Variants in ARMC9 observed in about 807,000 individuals in gnomAD.
ARMC9 encodes lisH domain-containing protein ARMC9.
A neutral mutation model predicts 107.0 loss-of-function variants in ARMC9; 94 were observed. The observed-to-expected ratio is 0.88, with a 90% confidence interval of 0.74 to 1.04. ARMC9 has a LOEUF of 1.04. ARMC9 is among the 50% of genes least tolerant of loss of function. The probability of loss-of-function intolerance (pLI) is 0.00; values close to 1 mark genes in which losing one functional copy is unlikely to be tolerated. For synonymous variants in ARMC9, 380 were observed against 396.9 expected (o/e 0.96, Z 0.51); for missense variants, 942 against 1,030.1 (o/e 0.91, Z 1.17).
In ARMC9 at chr2:231,252,436, G is replaced by A. The variant is rs1255241236; in HGVS notation, c.880-4150G>A. Among the ~76,000 whole-genome samples the A allele has an allele frequency of 2.0e-5, 3 of 152,106 alleles. No homozygotes were observed. The East Asian group carries it at 5.8e-4, about 29-fold the overall frequency. On this transcript the variant is annotated intron_variant, in intron 9 of 24. Transcript: ENST00000611582. The stretch of plus-strand genomic sequence containing the variant: ...AGCTAATTTTTGTACTTTTAGTGGA[G>A]ACGGGGTTTCACCATGTTGGTCAGG...
intron 23 of ARMC9, among the ~76,000 whole-genome samples, chr2:231,363,612 C>T (rs1027676665): frequency 1.3e-5 from 2 of 152,082 alleles, no homozygotes; most frequent in Non-Finnish European, 2.9e-5. Flanking sequence ...ACCTGCCTGG[C>T]GCAGTGGCTC....
chr2:231,307,227 G>C (rs1036220010), intron 19 of ARMC9, among the ~76,000 whole-genome samples: 2 of 152,234 alleles, frequency 1.3e-5, no homozygotes, highest in Non-Finnish European at 2.9e-5. Context: ...GAGGCTGAGA[G>C]AGGGGTAAGT....
intron 11 of ARMC9, among the ~76,000 whole-genome samples, chr2:231,260,613 G>A (rs867906236): frequency 2.9e-4 from 44 of 152,214 alleles, no homozygotes; most frequent in Admixed American, 2.4e-3. Context: ...CTGTGGACAA[G>A]CAGTGGTGTC....
intron 12 of ARMC9, among the ~76,000 whole-genome samples, chr2:231,266,232 C>G (rs917092221): frequency 2.0e-5 from 3 of 152,132 alleles, no homozygotes; most frequent in Non-Finnish European, 2.9e-5. Flanking sequence ...TCACTGGGTC[C>G]CACCAACAGT....
chr2:231,291,273 T>G, intron 17 of ARMC9, 80 bp from the exon 18 acceptor site: 3 of 1,126,650 alleles, frequency 2.7e-6, no homozygotes, highest in Non-Finnish European at 4.0e-6. Context: ...ATTTTTTGGA[T>G]TAGATGAGAT....
intron 18 of ARMC9, chr2:231,295,606 T>G (rs1192697752): frequency 6.6e-6 from 1 of 152,354 alleles, no homozygotes; most frequent in Admixed American, 6.5e-5. Flanking sequence ...AACTCCTTTG[T>G]GCTACCAACT....
rs2045539003 is a variant in ARMC9 at position 231,360,782 on chromosome 2, G to A, written c.2160G>A (p.Trp720Ter). 1.3e-6 allele frequency: 2 copies of A among 1,536,132 alleles called. No homozygotes were observed. The highest frequency in any genetic ancestry group is 1.4e-5 in the African/African-American group (1 of 73,156). Residue 720 changes from tryptophan to a stop codon, truncating the protein, a stop_gained, in exon 23 of 25, where the codon TGG (tryptophan) becomes TGA (stop). Transcript: ENST00000611582. LOFTEE classifies it high-confidence loss of function. The surrounding 1 kb of genome is among the most constrained non-coding windows in gnomAD (Gnocchi z 4.7). ...CCATCATCGCCAAGCCAGGAGAGTGGCTCCCAAGAGGACGCCAGGAAGAGC... is the reference window on the plus strand; with the variant it reads ...CCATCATCGCCAAGCCAGGAGAGTGACTCCCAAGAGGACGCCAGGAAGAGC... Reference protein sequence around the residue: ...SSAIIAKPGEWLPRGRQEEPR... With the variant: ...SSAIIAKPGE
chr2:231,334,461 G>A (rs529909513), intron 20 of ARMC9, among the ~76,000 whole-genome samples: 2 of 152,240 alleles, frequency 1.3e-5, no homozygotes, highest in East Asian at 3.9e-4. Flanking sequence ...CTTTTGTAAG[G>A]ACACTTGTTC....
At position 231,359,082 on chromosome 2, in the gene ARMC9, G is replaced by GTTCTTTTTTTTTTTT. The variant is rs767321498; in HGVS notation, c.2132-1670_2132-1669insCTTTTTTTTTTTTTT. Among the ~76,000 whole-genome samples, 5 of 117,822 alleles carry GTTCTTTTTTTTTTTT rather than the reference G, an allele frequency of 4.2e-5. 1 individual carries two copies. Among genetic ancestry groups the GTTCTTTTTTTTTTTT allele is most frequent in the African/African-American group, 1.1e-4 (3 of 28,304 alleles). 77.3% of individuals were successfully genotyped at this position (117,822 alleles called of 152,430 possible). ...GCTGTCTTAGTTAGGGGGGTCTCCT[G>GTTCTTTTTTTTTTTT]TTTTTTTTTTTTTTTTTTTTTGAGA... is the stretch of plus-strand genomic sequence containing the variant. On this transcript the variant is annotated intron_variant, in intron 22 of 24. Coordinates refer to ENST00000611582, the MANE Select transcript of ARMC9 (RefSeq NM_001352754.2).
chr2:231,222,243 C>A (rs1236128440), intron 5 of ARMC9, among the ~76,000 whole-genome samples: 1 of 152,042 alleles, frequency 6.6e-6, no homozygotes, highest in Non-Finnish European at 1.5e-5. Flanking sequence ...TATCATAATT[C>A]TTGACATGGT....
At chr2:231,226,614 T>G (rs1425016448) in intron 6 of ARMC9, among the ~76,000 whole-genome samples, 160 bp from the exon 7 acceptor site, 1 of 152,078 alleles carries the variant, frequency 6.6e-6, no homozygotes, top group Non-Finnish European at 1.5e-5. Context: ...TATGGAGAAG[T>G]TGCTTAGCTA....
intron 19 of ARMC9, among the ~76,000 whole-genome samples, chr2:231,324,533 C>T (rs1325414880): frequency 1.3e-5 from 2 of 150,918 alleles, no homozygotes; most frequent in African/African-American, 4.9e-5. Flanking sequence ...GGGCAGATCA[C>T]CTGAGGTTGG....
chr2:231,263,463 C>G (rs1330547843), intron 12 of ARMC9, among the ~76,000 whole-genome samples: 1 of 152,220 alleles, frequency 6.6e-6, no homozygotes. Context: ...TCGAAGCTGT[C>G]TTTTTATCAG....
At chr2:231,285,986 T>C (rs2040561729) in intron 17 of ARMC9, among the ~76,000 whole-genome samples, 1 of 149,314 alleles carries the variant, frequency 6.7e-6, no homozygotes, top group East Asian at 2.0e-4. Context: ...CTAGAAATGC[T>C]GAATAATGAA....
chr2:231,229,741 A>T (rs1417061983), intron 7 of ARMC9, among the ~76,000 whole-genome samples: 1 of 152,236 alleles, frequency 6.6e-6, no homozygotes, highest in Non-Finnish European at 1.5e-5. Flanking sequence ...TTATCTGAAT[A>T]CAAACAGGAA....
chr2:231,260,736 C>G (rs1459765940), intron 11 of ARMC9, among the ~76,000 whole-genome samples: 1 of 152,174 alleles, frequency 6.6e-6, no homozygotes, highest in East Asian at 1.9e-4. Flanking sequence ...TCAAACTCAT[C>G]TTTTATGCGG....
intron 20 of ARMC9, among the ~76,000 whole-genome samples, chr2:231,338,787 G>A (rs1305317426): frequency 1.3e-5 from 2 of 151,758 alleles, no homozygotes; most frequent in Non-Finnish European, 2.9e-5. Context: ...TATATCTTCT[G>A]TTTTATGCCC....
intron 4 of ARMC9, among the ~76,000 whole-genome samples, chr2:231,216,076 C>G (rs1423529192): frequency 1.3e-5 from 2 of 152,100 alleles, no homozygotes; most frequent in Admixed American, 6.6e-5. Flanking sequence ...ATAGAAGCCC[C>G]GAGAGGGGAA....
chr2:231,296,347 T>A (rs1388083269), intron 19 of ARMC9, 94 bp downstream of exon 19: 49 of 1,084,198 alleles, frequency 4.5e-5, no homozygotes, highest in Non-Finnish European at 6.3e-5. Context: ...TGGAGATTTT[T>A]CATTCCTGCT....
Sources: allele counts gnomAD v4.1 joint callset (sites outside exome capture counted in the v4.1 genomes callset), GRCh38; gene constraint gnomAD v4.1.1; non-coding constraint Gnocchi (gnomAD v3.1); transcripts MANE v1.5; gene names NCBI Gene and HGNC (gene_info 2026-07-23, HGNC 2026-07-21).